The following EYA2 variants were observed in gnomAD, a reference collection of about 807,000 sequenced individuals.
EYA2 encodes EYA transcriptional coactivator and phosphatase 2, also known as protein phosphatase EYA2.
A neutral mutation model predicts 69.2 loss-of-function variants in EYA2; 31 were observed. That is an observed-to-expected ratio of 0.45 (90% CI 0.34 to 0.60). The LOEUF (loss-of-function observed/expected upper bound fraction) is 0.60, where lower values mean the gene tolerates loss of function less well. Among genes scored for constraint, EYA2 ranks in the 20% least tolerant of loss-of-function variants. The probability of loss-of-function intolerance (pLI) is 0.02; values close to 1 mark genes in which losing one functional copy is unlikely to be tolerated. For synonymous variants in EYA2, 257 were observed against 279.4 expected (o/e 0.92, Z 0.80); for missense variants, 622 against 701.2 (o/e 0.89, Z 1.28).
At chr20:46,911,208 A>G (rs1386701395) in intron 1 of EYA2, among the ~76,000 whole-genome samples, 2 of 151,620 alleles carry the variant, frequency 1.3e-5, no homozygotes, top group African/African-American at 2.4e-5. Context: ...CTTTGGCACT[A>G]TTAAGATTTG....
At chr20:47,108,352 G>C (rs2032650492) in intron 9 of EYA2, among the ~76,000 whole-genome samples, 1 of 152,104 alleles carries the variant, frequency 6.6e-6, no homozygotes, top group South Asian at 2.1e-4. Flanking sequence ...CTCCACATGT[G>C]ATCTGCACAT....
intron 7 of EYA2, among the ~76,000 whole-genome samples, chr20:47,081,807 AAG>A (rs535076197): frequency 3.3e-5 from 5 of 150,158 alleles, no homozygotes; most frequent in African/African-American, 7.4e-5. Flanking sequence ...GAAAGAAAAA[AAG>A]AGAGAGAGAG....
At chr20:46,919,403 C>T (rs1775859259) in intron 1 of EYA2, among the ~76,000 whole-genome samples, 2 of 152,276 alleles carry the variant, frequency 1.3e-5, no homozygotes, top group Admixed American at 1.3e-4. Context: ...GCTAGATCTT[C>T]TGGATAACTT....
intron 10 of EYA2, among the ~76,000 whole-genome samples, chr20:47,150,693 G>A (rs1249747706): frequency 6.6e-6 from 1 of 151,916 alleles, no homozygotes; most frequent in Non-Finnish European, 1.5e-5. Flanking sequence ...TCTCAAATTC[G>A]TAGTCTCAAG....
chr20:47,081,752 C>T (rs2031726959), intron 7 of EYA2, among the ~76,000 whole-genome samples: 2 of 145,544 alleles, frequency 1.4e-5, no homozygotes, highest in African/African-American at 5.1e-5. Context: ...GCACTCCAGC[C>T]TGGGTGACAA....
At chr20:46,946,400 G>T (rs1024447478) in intron 1 of EYA2, among the ~76,000 whole-genome samples, 1 of 152,186 alleles carries the variant, frequency 6.6e-6, no homozygotes, top group Non-Finnish European at 1.5e-5. Flanking sequence ...AGGGTGCAGG[G>T]CCAAGGGTTA....
At chr20:46,903,409 A>C (rs62201191) in intron 1 of EYA2, among the ~76,000 whole-genome samples, 7,701 of 152,262 alleles carry the variant, frequency 0.051, 293 homozygotes, top group Non-Finnish European at 0.079. Flanking sequence ...CCCCAGGCTT[A>C]CTCGGCCGAC....
At chr20:47,012,224 C>G (rs1355100036) in intron 4 of EYA2, among the ~76,000 whole-genome samples, 1 of 152,210 alleles carries the variant, frequency 6.6e-6, no homozygotes, top group African/African-American at 2.4e-5. Context: ...GTGGAACTTG[C>G]AGATAGTTCA....
In EYA2 at chr20:47,089,937, G is replaced by A. The variant is rs553203266; in HGVS notation, c.804+556G>A. Among the ~76,000 whole-genome samples, 8 of 152,180 alleles carry A rather than the reference G, an allele frequency of 5.3e-5. No homozygotes were observed. In the East Asian group the frequency reaches 7.7e-4, roughly 15 times the overall value. On this transcript the variant is annotated intron_variant, in intron 8 of 15. Transcript: ENST00000327619. Reference sequence around the variant, plus strand: ...GAGGAGGGGAGTTTTAAACATTCTCGGTGGGGACTCTAATAAGGCTTAGAT... The same window carrying A: ...GAGGAGGGGAGTTTTAAACATTCTCAGTGGGGACTCTAATAAGGCTTAGAT...
chr20:47,022,593 C>T (rs904493627), intron 5 of EYA2, among the ~76,000 whole-genome samples: 1 of 151,268 alleles, frequency 6.6e-6, no homozygotes, highest in Non-Finnish European at 1.5e-5. Context: ...GGATTACAGG[C>T]ATGAGCCACT....
chr20:47,124,243 C>T (rs2033123229), intron 9 of EYA2, among the ~76,000 whole-genome samples: 1 of 152,120 alleles, frequency 6.6e-6, no homozygotes, highest in Non-Finnish European at 1.5e-5. Flanking sequence ...AAGGGTTACA[C>T]CCTTATCTGG....
intron 1 of EYA2, among the ~76,000 whole-genome samples, chr20:46,967,206 T>C (rs1979843403): frequency 6.6e-6 from 1 of 152,246 alleles, no homozygotes; most frequent in South Asian, 2.1e-4. Context: ...TTCACCATGT[T>C]GGTCAGGCTG....
chr20:46,990,171 C>A lies in EYA2; in HGVS notation c.109+52C>A, dbSNP rs758820751. On this transcript the variant is annotated intron_variant, in intron 2 of 15. Transcript: ENST00000327619. ...CAACAGGTGTGGTGGTCCTAGGTCACCCTGAGAATATCGTAAGCAACAGAC... is the reference window on the plus strand; with the variant it reads ...CAACAGGTGTGGTGGTCCTAGGTCAACCTGAGAATATCGTAAGCAACAGAC... The A allele has an allele frequency of 7.4e-6, 7 of 950,162 alleles. No homozygotes were observed. The East Asian group carries it at 1.5e-4, about 20-fold the overall frequency. 58.9% of individuals were successfully genotyped at this position (950,162 alleles called of 1,614,324 possible). A position where few individuals can be genotyped will look rare whatever the true frequency, so the allele number is the denominator to read the frequency against.
intron 1 of EYA2, among the ~76,000 whole-genome samples, chr20:46,987,958 C>A (rs1771041): frequency 2.1e-3 from 72 of 33,674 alleles, no homozygotes; most frequent in Non-Finnish European, 3.0e-3. Context: ...CTCTCTCTCT[C>A]TCTCTCTATA....
intron 9 of EYA2, among the ~76,000 whole-genome samples, chr20:47,114,682 C>T (rs1310371495): frequency 6.6e-6 from 1 of 152,164 alleles, no homozygotes; most frequent in Non-Finnish European, 1.5e-5. Context: ...ATATTTGATC[C>T]CTGCCCCAGT....
At chr20:47,003,563 T>C (rs1982508402) in intron 3 of EYA2, among the ~76,000 whole-genome samples, 1 of 152,182 alleles carries the variant, frequency 6.6e-6, no homozygotes, top group Non-Finnish European at 1.5e-5. Context: ...CATGCCTGCA[T>C]GTGTGTGTGT....
intron 5 of EYA2, among the ~76,000 whole-genome samples, chr20:47,064,866 A>G (rs1229870677): frequency 6.6e-6 from 1 of 152,096 alleles, no homozygotes; most frequent in Non-Finnish European, 1.5e-5. Flanking sequence ...GATGCTGTTC[A>G]CTGGGGCACT....
At chr20:47,184,820 C>T (rs778157301) in intron 15 of EYA2, among the ~76,000 whole-genome samples, 3 of 152,118 alleles carry the variant, frequency 2.0e-5, no homozygotes, top group Non-Finnish European at 2.9e-5. Context: ...ATGCTCCAAA[C>T]GCCTGGCAGG....
intron 1 of EYA2, among the ~76,000 whole-genome samples, chr20:46,930,410 CTTTG>C (rs1985616042): frequency 6.6e-6 from 1 of 152,284 alleles, no homozygotes; most frequent in Admixed American, 6.5e-5. Context: ...AAGTTACTTA[CTTTG>C]CTGTGCAGAC....
Sources: allele counts gnomAD v4.1 joint callset (sites outside exome capture counted in the v4.1 genomes callset), GRCh38; gene constraint gnomAD v4.1.1; transcripts MANE v1.5; gene names NCBI Gene and HGNC (gene_info 2026-07-23, HGNC 2026-07-21).